ERBB4: variants seen among roughly 807,000 people sequenced by gnomAD.
ERBB4 encodes receptor tyrosine-protein kinase erbB-4.
Under a neutral mutation model 158.0 loss-of-function variants are expected in ERBB4, and 42 were observed. The observed-to-expected ratio is 0.27, with a 90% CI of 0.21 to 0.34. The LOEUF is 0.34. Ranked by LOEUF, ERBB4 falls within the 10% of genes least tolerant of loss-of-function variation. The pLI, the probability that ERBB4 is intolerant of heterozygous loss-of-function variation, is 1.00. For synonymous variants in ERBB4, 583 were observed against 558.7 expected (o/e 1.04, Z -0.61); for missense variants, 1,333 against 1,624.1 (o/e 0.82, Z 3.08).
chr2:211,773,401 T>C (rs79759597), intron 4 of ERBB4, among the ~76,000 whole-genome samples: 3 of 150,904 alleles, frequency 2.0e-5, no homozygotes, highest in Admixed American at 1.3e-4. Flanking sequence ...GAATTTTTTA[T>C]ATACTCATAT....
chr2:211,667,762 G>A (rs191604688), intron 14 of ERBB4, among the ~76,000 whole-genome samples: 108 of 152,236 alleles, frequency 7.1e-4, no homozygotes, highest in Non-Finnish European at 1.3e-3. Context: ...TAATGTAAAT[G>A]TATTTTTCTT....
At chr2:212,050,812 C>A (rs2077380067) in intron 2 of ERBB4, among the ~76,000 whole-genome samples, 1 of 152,082 alleles carries the variant, frequency 6.6e-6, no homozygotes, top group African/African-American at 2.4e-5. Flanking sequence ...GAACCGAATA[C>A]TTGTTTTTTT....
chr2:212,190,243 A>G (rs2125707974), intron 1 of ERBB4, among the ~76,000 whole-genome samples: 1 of 152,310 alleles, frequency 6.6e-6, no homozygotes, highest in African/African-American at 2.4e-5. Context: ...CTATCTTTTA[A>G]GAAATGGGGG....
At chr2:211,939,714 G>A (rs139924768) in intron 3 of ERBB4, among the ~76,000 whole-genome samples, 124 of 152,236 alleles carry the variant, frequency 8.1e-4, no homozygotes, top group African/African-American at 2.6e-3. Flanking sequence ...TCGGAAGGCC[G>A]AGGCGGGCGG....
intron 4 of ERBB4, among the ~76,000 whole-genome samples, chr2:211,766,663 A>C (rs1028836943): frequency 1.3e-5 from 2 of 152,208 alleles, no homozygotes; most frequent in Non-Finnish European, 2.9e-5. Context: ...AGTTGTGATG[A>C]AATCTGTGAA....
intron 1 of ERBB4, among the ~76,000 whole-genome samples, chr2:212,300,421 G>A (rs73986925): frequency 0.063 from 9,551 of 151,444 alleles, 1,012 homozygotes; most frequent in African/African-American, 0.22. Flanking sequence ...CACAGGGTTC[G>A]CGTGTTTTTT....
At position 211,951,075 on chromosome 2, in the gene ERBB4, G is replaced by T. The variant is rs558639931; in HGVS notation, c.235-3459C>A. Among the ~76,000 whole-genome samples, 180 of 152,222 alleles carry T rather than the reference G, an allele frequency of 1.2e-3. 1 individual carries two copies. The highest frequency in any genetic ancestry group is 4.2e-3 in the African/African-American group (176 of 41,550). ...GTGATTAGATCACAATGATAAATGT[G>T]TTGATGGAGGGTGTATTATGACTCT... is the stretch of plus-strand genomic sequence containing the variant. On this transcript the variant is annotated intron_variant, in intron 2 of 27. Coordinates refer to ENST00000342788, the MANE Select transcript of ERBB4 (RefSeq NM_005235.3).
intron 20 of ERBB4, among the ~76,000 whole-genome samples, chr2:211,505,438 A>C (rs1219608780): frequency 6.6e-6 from 1 of 152,092 alleles, no homozygotes; most frequent in Admixed American, 6.5e-5. Context: ...AGACTGGCCC[A>C]ACAACTTATG....
intron 1 of ERBB4, among the ~76,000 whole-genome samples, chr2:212,213,065 A>G (rs2082988423): frequency 1.3e-5 from 2 of 152,120 alleles, no homozygotes; most frequent in African/African-American, 4.8e-5. Flanking sequence ...AAAATTGACA[A>G]ATGGGATCTA....
intron 2 of ERBB4, among the ~76,000 whole-genome samples, chr2:212,102,622 T>C (rs1397566149): frequency 6.6e-6 from 1 of 152,200 alleles, no homozygotes; most frequent in Non-Finnish European, 1.5e-5. Context: ...CTGTTAGTCA[T>C]GTATATGAAT....
At chr2:212,324,794 C>T (rs1354158860) in intron 1 of ERBB4, among the ~76,000 whole-genome samples, 1 of 150,478 alleles carries the variant, frequency 6.6e-6, no homozygotes, top group Non-Finnish European at 1.5e-5. Flanking sequence ...GGGGGAAATA[C>T]TACATTCAGT....
At chr2:211,828,905 C>T (rs1459554233) in intron 3 of ERBB4, among the ~76,000 whole-genome samples, 2 of 152,116 alleles carry the variant, frequency 1.3e-5, no homozygotes, top group Non-Finnish European at 2.9e-5. Context: ...CTTGATACAG[C>T]TCCTTCGTGT....
At chr2:211,913,985 GT>G (rs1433518556) in intron 3 of ERBB4, among the ~76,000 whole-genome samples, 3 of 143,970 alleles carry the variant, frequency 2.1e-5, no homozygotes, top group African/African-American at 7.7e-5. Flanking sequence ...AAGGAAAGTA[GT>G]AAAAAAGTCA....
intron 4 of ERBB4, chr2:211,779,897 C>T (rs532595527): frequency 2.6e-5 from 4 of 152,228 alleles, no homozygotes; most frequent in African/African-American, 7.2e-5. Flanking sequence ...ATAGGCTAAA[C>T]CCTATATGTC....
Position 211,869,140 on chromosome 2 carries a change from C to G in ERBB4, c.421+78290G>C, listed in dbSNP as rs577144842. ...CATGAACTCTATCATCCAGTCACAC[C>G]GAATGGCTTCAATCCTGCCAAGAAC... On this transcript the variant is annotated intron_variant, in intron 3 of 27. Transcript: ENST00000342788. Among the ~76,000 whole-genome samples the G allele has an allele frequency of 4.6e-5, 7 of 152,270 alleles. No homozygotes were observed. The South Asian group carries it at 8.3e-4, about 18-fold the overall frequency.
At chr2:212,206,063 T>G (rs1430503706) in intron 1 of ERBB4, among the ~76,000 whole-genome samples, 3 of 152,212 alleles carry the variant, frequency 2.0e-5, no homozygotes, top group Admixed American at 2.0e-4. Flanking sequence ...TCATAATTTG[T>G]GTTGGTATTA....
At chr2:211,810,705 G>T (rs1057092556) in intron 3 of ERBB4, among the ~76,000 whole-genome samples, 1 of 124,470 alleles carries the variant, frequency 8.0e-6, no homozygotes, top group African/African-American at 3.1e-5. Flanking sequence ...TCGCTCTGTC[G>T]CCCAGGTGGG....
chr2:212,055,559 G>A (rs1255362050), intron 2 of ERBB4, among the ~76,000 whole-genome samples: 11 of 152,174 alleles, frequency 7.2e-5, no homozygotes, highest in Middle Eastern at 3.2e-3. Context: ...TCACACAGCC[G>A]GGTACCCCGC....
chr2:212,036,878 G>C (rs912598506), intron 2 of ERBB4, among the ~76,000 whole-genome samples: 2 of 152,142 alleles, frequency 1.3e-5, no homozygotes, highest in Non-Finnish European at 2.9e-5. Context: ...TGGGGACAAA[G>C]GACAGAGAAA....
Sources: allele counts gnomAD v4.1 joint callset (sites outside exome capture counted in the v4.1 genomes callset), GRCh38; gene constraint gnomAD v4.1.1; transcripts MANE v1.5; gene names NCBI Gene and HGNC (gene_info 2026-07-23, HGNC 2026-07-21).